Variants in RRP12 observed in about 807,000 individuals in gnomAD.
The protein encoded by RRP12 is ribosomal RNA processing 12 homolog, also known as RRP12-like protein.
RRP12 carries 78 observed loss-of-function variants against 157.3 expected under a neutral mutation model. The ratio of observed to expected loss-of-function variants is 0.50; its 90% CI spans 0.41 to 0.60. The LOEUF is 0.60. Among genes scored for constraint, RRP12 ranks in the 20% least tolerant of loss-of-function variants. RRP12 has a pLI of 0.00. For synonymous variants in RRP12, 726 were observed against 670.9 expected, an observed-to-expected ratio of 1.08 and a Z score of -1.27; for missense variants, 1,521 against 1,679.9, an observed-to-expected ratio of 0.91 and a Z score of 1.65.
In RRP12 at chr10:97,373,298, T is replaced by A. The variant is rs1035547899; in HGVS notation, c.2027-98A>T. The A allele has an allele frequency of 3.1e-6, 4 of 1,287,218 alleles. No individual in the cohort carries two copies. The African/African-American group carries it at 5.9e-5, about 19-fold the overall frequency. 79.7% of individuals were successfully genotyped at this position (1,287,218 alleles called of 1,614,324 possible). On this transcript the variant is annotated intron_variant, in intron 17 of 33. Coordinates refer to ENST00000370992, the MANE Select transcript of RRP12 (RefSeq NM_015179.4). ...CCCAGAGGCCCTCTCTTGGGGGAGC[T>A]GGCAGGACTTGGAATCCATGGGTTT...
rs543736272 is a variant in RRP12, at chr10:97,380,983, G to A, written c.1419-70C>T. 2.7e-5 allele frequency: 34 copies of A among 1,261,512 alleles called. 1 individual carries two copies. In the South Asian group the frequency reaches 3.5e-4, roughly 13 times the overall value. 78.1% of individuals were successfully genotyped at this position (1,261,512 alleles called of 1,614,324 possible). ...GTGCCCCCCACCAGAGAAAGTCAAC[G>A]GCCAGCACCCTGAGCTACAGACGCT... On this transcript the variant is annotated intron_variant, in intron 12 of 33. Transcript: ENST00000370992.
At chr10:97,390,944 G>A (rs531977261) in intron 4 of RRP12, 100 bp from the exon 5 acceptor site, 116 of 784,288 alleles carry the variant, frequency 1.5e-4, no homozygotes, top group Non-Finnish European at 2.4e-4. Context: ...GGGCGCTGGT[G>A]GCACAGTCAC....
intron 2 of RRP12, among the ~76,000 whole-genome samples, chr10:97,398,026 T>C (rs1273644259): frequency 1.0e-5 from 1 of 99,268 alleles, no homozygotes; most frequent in African/African-American, 4.4e-5. Flanking sequence ...TATATATGTA[T>C]ATATATATAC....
At chr10:97,367,535 C>T (rs1201602504) in intron 25 of RRP12, among the ~76,000 whole-genome samples, 1 of 152,210 alleles carries the variant, frequency 6.6e-6, no homozygotes, top group Admixed American at 6.5e-5. Context: ...AGCCCAGACT[C>T]ATCTAATGCT....
At chr10:97,373,291 G>C (rs1844211464) in intron 17 of RRP12, 91 bp from the exon 18 acceptor site, 3 of 1,373,288 alleles carry the variant, frequency 2.2e-6, no homozygotes, top group South Asian at 2.7e-5. Flanking sequence ...CCCTCTCTTG[G>C]GGGAGCTGGC....
chr10:97,366,746 C>T lies in RRP12; in HGVS notation c.3211G>A (p.Asp1071Asn). The T allele has an allele frequency of 1.2e-6, 2 of 1,613,092 alleles. No individual in the cohort carries two copies. The highest frequency in any genetic ancestry group is 8.5e-7 in the Non-Finnish European group (1 of 1,179,428). The change falls in exon 27 of 34, where the codon GAC (aspartate) becomes AAC (asparagine). Residue 1071 changes from aspartate (D) to asparagine (N), a missense_variant. Coordinates refer to ENST00000370992, the MANE Select transcript of RRP12 (RefSeq NM_015179.4). ...EEEEPAQGKGDSIEEILADSE... is the reference protein window; with the variant it reads ...EEEEPAQGKGNSIEEILADSE... ...ATGGCCCTAACATGGTCTCACCTGT[C>T]ACCTTTGCCCTGGGCGGGCTCCTCC... is the stretch of plus-strand genomic sequence containing the variant.
At chr10:97,367,752 G>T (rs1374470995) in intron 25 of RRP12, among the ~76,000 whole-genome samples, 2 of 152,086 alleles carry the variant, frequency 1.3e-5, no homozygotes, top group African/African-American at 2.4e-5. Context: ...TTTTTTTTGA[G>T]ATGGAGTCTC....
Position 97,361,011 on chromosome 10 carries a change from C to T in RRP12, c.3568-393G>A, listed in dbSNP as rs146206972. ...ATAGCTTTACCAGTTCTTTGCTTCA[C>T]ACAAACCCCACCCCACTCTCCCTAT... On this transcript the variant is annotated intron_variant, in intron 30 of 33. Coordinates refer to ENST00000370992, the MANE Select transcript of RRP12 (RefSeq NM_015179.4). 1.9e-4 allele frequency among the ~76,000 whole-genome samples: 29 copies of T among 152,336 alleles called. No individual in the cohort carries two copies. In the East Asian group the frequency reaches 5.6e-3, roughly 29 times the overall value.
At chr10:97,379,123 G>C (rs887633019) in intron 15 of RRP12, among the ~76,000 whole-genome samples, 170 bp downstream of exon 15, 1 of 152,178 alleles carries the variant, frequency 6.6e-6, no homozygotes, top group Non-Finnish European at 1.5e-5. Context: ...GGAGCAGCAG[G>C]GAGGGAGACA....
At chr10:97,360,743 C>G (rs1301686411) in intron 30 of RRP12, 125 bp from the exon 31 acceptor site, 4 of 732,564 alleles carry the variant, frequency 5.5e-6, no homozygotes, top group African/African-American at 3.5e-5. Flanking sequence ...CACCCCACCT[C>G]TCACTTACAG....
chr10:97,361,820 A>G (rs1160259824), intron 30 of RRP12, among the ~76,000 whole-genome samples: 1 of 152,180 alleles, frequency 6.6e-6, no homozygotes, highest in Admixed American at 6.5e-5. Context: ...CCGAGGAGTT[A>G]GAACTTGGCC....
chr10:97,400,209 G>A (rs944863081), intron 2 of RRP12, 96 bp downstream of exon 2: 2 of 870,098 alleles, frequency 2.3e-6, no homozygotes, highest in Non-Finnish European at 3.8e-6. Flanking sequence ...AGAAATACCA[G>A]CTGTTGTCAT....
At position 97,363,915 on chromosome 10, in the gene RRP12, A is replaced by C. The variant is rs1376242126; in HGVS notation, c.3518-12T>G. ...CTCTTCATCTTCGCCTGGAGCCAAA[A>C]AAGAGAGGCCCATGAGCGCTGTGGG... On this transcript the variant is annotated splice_polypyrimidine_tract_variant and intron_variant, in intron 29 of 33. Transcript: ENST00000370992. 3.7e-6 allele frequency: 6 copies of C among 1,613,318 alleles called. No homozygotes were observed. The highest frequency in any genetic ancestry group is 1.6e-4 in the Middle Eastern group (1 of 6,082).
At chr10:97,373,378 G>A (rs540516428) in intron 17 of RRP12, among the ~76,000 whole-genome samples, 178 bp from the exon 18 acceptor site, 2 of 152,266 alleles carry the variant, frequency 1.3e-5, no homozygotes, top group South Asian at 4.1e-4. Context: ...GTGCCCCAGT[G>A]GCCCATGGTC....
At chr10:97,362,503 G>A (rs970512756) in intron 30 of RRP12, among the ~76,000 whole-genome samples, 3 of 152,280 alleles carry the variant, frequency 2.0e-5, no homozygotes, top group South Asian at 2.1e-4. Flanking sequence ...CCAGACACAC[G>A]TTTGGCAGAC....
At chr10:97,373,523 C>A in intron 17 of RRP12, 52 bp downstream of exon 17, 1 of 1,527,366 alleles carries the variant, frequency 6.5e-7, no homozygotes, top group Non-Finnish European at 8.8e-7. Flanking sequence ...GGGGATGGGG[C>A]CAGGGACCTG....
At chr10:97,379,869 G>T in intron 13 of RRP12, 99 bp from the exon 14 acceptor site, 2 of 1,201,314 alleles carry the variant, frequency 1.7e-6, no homozygotes, top group Non-Finnish European at 2.3e-6. Flanking sequence ...CTGGGCCTGG[G>T]TTCAACGCTA....
chr10:97,400,989 G>A lies in RRP12; in HGVS notation c.139+104C>T, dbSNP rs1845130215. The A allele has an allele frequency of 2.9e-6, 4 of 1,379,030 alleles. No individual in the cohort carries two copies. In the South Asian group the frequency reaches 5.4e-5, roughly 19 times the overall value. 85.4% of individuals were successfully genotyped at this position (1,379,030 alleles called of 1,614,324 possible). On this transcript the variant is annotated intron_variant, in intron 1 of 33. Coordinates refer to ENST00000370992, the MANE Select transcript of RRP12 (RefSeq NM_015179.4). ...GATCCGACATCCTAAGAGACGAAAG[G>A]TCCAATGCCTGGCCCCGCACTCTCC... is the stretch of plus-strand genomic sequence containing the variant.
chr10:97,385,929 G>A lies in RRP12; in HGVS notation c.1082C>T (p.Thr361Ile). The change falls in exon 9 of 34, where the codon ACC becomes ATC. Residue 361 changes from threonine (T) to isoleucine (I), a missense_variant. By Grantham distance (89) the Thr-to-Ile change is moderately conservative. Coordinates refer to ENST00000370992, the MANE Select transcript of RRP12 (RefSeq NM_015179.4). ...SLFHARPGLS[T>I]LSAELNAQII... ...CTGGGCGTTGAGCTCTGCTGACAGGGTGCTCAGGCCAGGCCTGGCGTGGAA... is the reference window on the plus strand; with the variant it reads ...CTGGGCGTTGAGCTCTGCTGACAGGATGCTCAGGCCAGGCCTGGCGTGGAA... The A allele has an allele frequency of 6.2e-7, 1 of 1,607,518 alleles. No homozygotes were observed.
Sources: gnomAD v4.1 joint callset for allele counts (sites outside exome capture counted in the v4.1 genomes callset) on GRCh38, gnomAD v4.1.1 for gene constraint, MANE v1.5 for transcripts, NCBI Gene and HGNC (gene_info 2026-07-23, HGNC 2026-07-21) for gene names.